The following OR6N1 variants were observed in gnomAD, a reference collection of about 807,000 sequenced individuals.
OR6N1 encodes the protein olfactory receptor family 6 subfamily N member 1.
For missense variants in OR6N1, 394 were observed against 371.7 expected (o/e 1.06, Z -0.49); for synonymous variants, 170 against 150.7 (o/e 1.13, Z -0.94).
chr1:158,772,663 C>T (rs74122471), upstream of OR6N1, among the ~76,000 whole-genome samples: 3 of 152,048 alleles, frequency 2.0e-5, no homozygotes, highest in Admixed American at 6.6e-5. Flanking sequence ...TATTTATAGC[C>T]GTTATATGTT....
the OR6N1 span, among the ~76,000 whole-genome samples, chr1:158,817,667 T>C: frequency 6.6e-6 from 1 of 152,158 alleles, no homozygotes; most frequent in Non-Finnish European, 1.5e-5. Flanking sequence ...ACACCCATGG[T>C]TCCAGGAGAC....
the OR6N1 span, among the ~76,000 whole-genome samples, chr1:158,803,034 C>A: frequency 6.6e-6 from 1 of 151,774 alleles, no homozygotes; most frequent in Non-Finnish European, 1.5e-5. Flanking sequence ...CATTCATAGC[C>A]CCAAATGTAC....
rs1657188266 is a variant in OR6N1, at chr1:158,764,368, T to C, written c.*1376A>G. 1 of 151,358 alleles carries C rather than the reference T, an allele frequency of 6.6e-6. No homozygotes were observed. Among genetic ancestry groups the C allele is most frequent in the Admixed American group, 6.6e-5 (1 of 15,216 alleles). 9.4% of individuals were successfully genotyped at this position (151,358 alleles called of 1,614,324 possible). A position where few individuals can be genotyped will look rare whatever the true frequency, so the allele number is the denominator to read the frequency against. Reference sequence around the variant, plus strand: ...ACAATTATAATTAATTATAACTAATTATAAATTAATTATAATTTTAATATT... The same window carrying C: ...ACAATTATAATTAATTATAACTAATCATAAATTAATTATAATTTTAATATT... On this transcript the variant is annotated 3_prime_UTR_variant, in exon 2 of 2. Transcript: ENST00000641846.
chr1:158,805,943 T>C, the OR6N1 span, among the ~76,000 whole-genome samples: 2 of 152,208 alleles, frequency 1.3e-5, no homozygotes, highest in Non-Finnish European at 2.9e-5. Context: ...CCATGTTCAC[T>C]GCACAGTATG....
chr1:158,767,203 T>C (rs1412353504), intron 1 of OR6N1, among the ~76,000 whole-genome samples: 1 of 152,206 alleles, frequency 6.6e-6, no homozygotes, highest in African/African-American at 2.4e-5. Flanking sequence ...TGTTTTCCCT[T>C]CTGCTCCCTC....
chr1:158,807,174 C>A, the OR6N1 span, among the ~76,000 whole-genome samples: 1 of 152,058 alleles, frequency 6.6e-6, no homozygotes, highest in Non-Finnish European at 1.5e-5. Context: ...ATCTGTCTGT[C>A]TTTACTGCAA....
At chr1:158,819,440 A>C in the OR6N1 span, among the ~76,000 whole-genome samples, 3 of 152,152 alleles carry the variant, frequency 2.0e-5, no homozygotes, top group African/African-American at 7.2e-5. Flanking sequence ...AGTGGGTCAC[A>C]CACATTCCTT....
At chr1:158,817,962 A>G in the OR6N1 span, among the ~76,000 whole-genome samples, 1 of 152,200 alleles carries the variant, frequency 6.6e-6, no homozygotes, top group Non-Finnish European at 1.5e-5. Context: ...TGCGTCCTTT[A>G]ATAGATCCAG....
the OR6N1 span, among the ~76,000 whole-genome samples, chr1:158,796,778 A>C: frequency 6.6e-6 from 1 of 151,362 alleles, no homozygotes; most frequent in Non-Finnish European, 1.5e-5. Flanking sequence ...GTGTATGTAC[A>C]TTTGTCTTTA....
chr1:158,819,477 T>C, the OR6N1 span, among the ~76,000 whole-genome samples: 1 of 152,144 alleles, frequency 6.6e-6, no homozygotes, highest in Non-Finnish European at 1.5e-5. Context: ...AAAGTTTTTT[T>C]TGAACTATGA....
the OR6N1 span, among the ~76,000 whole-genome samples, chr1:158,823,531 T>C: frequency 6.6e-6 from 1 of 152,180 alleles, no homozygotes; most frequent in African/African-American, 2.4e-5. Context: ...GGATTTTTTA[T>C]ATTTTTGTGG....
chr1:158,838,756 C>T, the OR6N1 span, among the ~76,000 whole-genome samples: 1 of 152,010 alleles, frequency 6.6e-6, no homozygotes, highest in East Asian at 1.9e-4. Context: ...AAGTTCTGTT[C>T]ACTTTCCTTT....
At chr1:158,790,319 G>C in the OR6N1 span, among the ~76,000 whole-genome samples, 2 of 151,664 alleles carry the variant, frequency 1.3e-5, no homozygotes, top group African/African-American at 2.4e-5. Context: ...TGGCTATTTG[G>C]GGTCTTTTCT....
the OR6N1 span, among the ~76,000 whole-genome samples, chr1:158,828,084 T>C: frequency 2.6e-5 from 4 of 152,192 alleles, no homozygotes; most frequent in Non-Finnish European, 4.4e-5. Flanking sequence ...TAATTCATTC[T>C]TCTCCCACTG....
chr1:158,795,960 T>C, the OR6N1 span: 1 of 152,206 alleles, frequency 6.6e-6, no homozygotes, highest in Non-Finnish European at 1.5e-5. Context: ...TCTTTCTAAG[T>C]GGTAGAATCA....
chr1:158,829,121 C>T, the OR6N1 span, among the ~76,000 whole-genome samples: 1 of 152,220 alleles, frequency 6.6e-6, no homozygotes, highest in East Asian at 1.9e-4. Context: ...GGACTGGCTG[C>T]TATACACGTC....
At chr1:158,835,441 G>A in the OR6N1 span, among the ~76,000 whole-genome samples, 2 of 152,008 alleles carry the variant, frequency 1.3e-5, no homozygotes, top group African/African-American at 4.8e-5. Flanking sequence ...TGATTTGTAT[G>A]TGTTGCCTTT....
At chr1:158,811,371 C>T in the OR6N1 span, among the ~76,000 whole-genome samples, 29 of 151,732 alleles carry the variant, frequency 1.9e-4, 1 homozygote, top group East Asian at 3.7e-3. Context: ...CTCTATTTGC[C>T]GAGCAGTGTT....
chr1:158,821,178 G>T, the OR6N1 span, among the ~76,000 whole-genome samples: 1 of 152,036 alleles, frequency 6.6e-6, no homozygotes, highest in East Asian at 1.9e-4. Flanking sequence ...AGCAGTTTTA[G>T]ATTTACAGCA....
Sources: allele counts gnomAD v4.1 joint callset (sites outside exome capture counted in the v4.1 genomes callset), GRCh38; gene constraint gnomAD v4.1.1; transcripts MANE v1.5; gene names NCBI Gene and HGNC (gene_info 2026-07-23, HGNC 2026-07-21).